GRM3: variants seen among roughly 807,000 people sequenced by gnomAD.
GRM3 encodes glutamate metabotropic receptor 3.
Under a neutral mutation model 70.5 loss-of-function variants are expected in GRM3, and 26 were observed. That is an observed-to-expected ratio of 0.37 (90% CI 0.27 to 0.51). The LOEUF is 0.51. Among genes scored for constraint, GRM3 ranks in the 20% least tolerant of loss-of-function variants. GRM3 has a pLI of 0.93. For missense variants in GRM3, 859 were observed against 1,123.8 expected, an observed-to-expected ratio of 0.76 and a Z score of 3.37; for synonymous variants, 443 against 434.9, an observed-to-expected ratio of 1.02 and a Z score of -0.23.
At chr7:86,695,561 C>A (rs557009610) in intron 1 of GRM3, among the ~76,000 whole-genome samples, 1 of 152,094 alleles carries the variant, frequency 6.6e-6, no homozygotes. Context: ...TGAGCTTTTG[C>A]GTCAGATACC....
chr7:86,821,624 C>G (rs1019900761), intron 3 of GRM3, among the ~76,000 whole-genome samples: 2 of 152,114 alleles, frequency 1.3e-5, no homozygotes, highest in African/African-American at 4.8e-5. Context: ...GAAAATGATG[C>G]GTGACAGCCC....
intron 1 of GRM3, among the ~76,000 whole-genome samples, chr7:86,744,130 C>A (rs1796049919): frequency 6.6e-6 from 1 of 152,040 alleles, no homozygotes. Context: ...GCATCCCACA[C>A]CCAGGTCTGG....
intron 1 of GRM3, among the ~76,000 whole-genome samples, chr7:86,746,944 T>G (rs1264161836): frequency 6.6e-6 from 1 of 152,098 alleles, no homozygotes; most frequent in East Asian, 1.9e-4. Flanking sequence ...CACCTTTCAG[T>G]ATGGACAACA....
chr7:86,712,131 G>T (rs557976615), intron 1 of GRM3, among the ~76,000 whole-genome samples: 1 of 152,056 alleles, frequency 6.6e-6, no homozygotes, highest in African/African-American at 2.4e-5. Flanking sequence ...CTCAAATTCT[G>T]CTTACTTTAC....
intron 3 of GRM3, among the ~76,000 whole-genome samples, chr7:86,828,830 A>G (rs944798257): frequency 6.6e-6 from 1 of 152,216 alleles, no homozygotes; most frequent in African/African-American, 2.4e-5. Flanking sequence ...ATGCTGTTTG[A>G]CAGCATTTTA....
chr7:86,651,898 A>C (rs564667149), intron 1 of GRM3, among the ~76,000 whole-genome samples: 2 of 152,376 alleles, frequency 1.3e-5, no homozygotes, highest in African/African-American at 4.8e-5. Context: ...TCCAAATTTT[A>C]AACTGAAGTA....
intron 3 of GRM3, among the ~76,000 whole-genome samples, chr7:86,799,219 G>T (rs1050783820): frequency 6.6e-5 from 10 of 152,170 alleles, no homozygotes; most frequent in Non-Finnish European, 2.9e-5. Context: ...CTGAGACTTT[G>T]CCAAAGTTGC....
intron 1 of GRM3, among the ~76,000 whole-genome samples, chr7:86,734,264 T>C (rs1157368035): frequency 2.0e-5 from 3 of 152,194 alleles, no homozygotes; most frequent in Admixed American, 1.3e-4. Flanking sequence ...ACAGTGTATA[T>C]TGTTCTAAGC....
chr7:86,760,941 A>G (rs1164743309), intron 1 of GRM3, among the ~76,000 whole-genome samples: 1 of 152,136 alleles, frequency 6.6e-6, no homozygotes, highest in African/African-American at 2.4e-5. Context: ...AATTTATATA[A>G]CACATGTAGT....
intron 3 of GRM3, among the ~76,000 whole-genome samples, chr7:86,790,981 G>A (rs1027989158): frequency 4.0e-5 from 6 of 151,534 alleles, no homozygotes; most frequent in Non-Finnish European, 8.8e-5. Context: ...TTCATATTTA[G>A]TCTTTATTGT....
intron 1 of GRM3, among the ~76,000 whole-genome samples, chr7:86,687,133 T>C (rs1429464460): frequency 7.9e-5 from 12 of 151,904 alleles, no homozygotes; most frequent in Admixed American, 7.9e-4. Flanking sequence ...AGCTCTGATA[T>C]ACATGTAATC....
In GRM3 at chr7:86,854,690, G is replaced by A. The variant is rs187764212; in HGVS notation, c.2566+4146G>A. Among the ~76,000 whole-genome samples the A allele has an allele frequency of 4.6e-5, 7 of 152,234 alleles. No individual in the cohort carries two copies. The East Asian group carries it at 1.3e-3, about 29-fold the overall frequency. ...GTCTGGAGCAAAGGCCAGAAATCTG[G>A]TTTGTAACAGACACCCCAGCTGTTT... On this transcript the variant is annotated intron_variant, in intron 5 of 5. Transcript: ENST00000361669.
In GRM3 at chr7:86,787,021, C is replaced by T; in HGVS notation, c.1229C>T (p.Thr410Ile). The change falls in exon 3 of 6, where the codon ACC becomes ATC. Residue 410 changes from threonine (T) to isoleucine (I), a missense_variant. Thr to Ile is a moderately conservative substitution (Grantham distance 89, BLOSUM62 -1). Transcript: ENST00000361669. The stretch of plus-strand genomic sequence containing the variant: ...CACGCTTTGCACAAAATGCAGCGCA[C>T]CCTCTGTCCCAACACTACCAAGCTT... ...MAHALHKMQR[T>I]LCPNTTKLCD... The T allele has an allele frequency of 1.2e-6, 2 of 1,613,490 alleles. No homozygotes were observed. Among genetic ancestry groups the T allele is most frequent in the Non-Finnish European group, 1.7e-6 (2 of 1,179,558 alleles).
chr7:86,676,503 A>G (rs1290724815), intron 1 of GRM3, among the ~76,000 whole-genome samples: 2 of 152,018 alleles, frequency 1.3e-5, no homozygotes, highest in African/African-American at 4.8e-5. Context: ...TAATAGACAT[A>G]ATAAATTGTG....
intron 1 of GRM3, among the ~76,000 whole-genome samples, chr7:86,762,714 T>C (rs1052493963): frequency 2.6e-5 from 4 of 152,152 alleles, no homozygotes; most frequent in African/African-American, 9.7e-5. Context: ...TAAGACAGAA[T>C]ACTTGATCTT....
intron 3 of GRM3, among the ~76,000 whole-genome samples, chr7:86,796,369 T>C (rs971568616): frequency 6.6e-6 from 1 of 152,176 alleles, no homozygotes; most frequent in Non-Finnish European, 1.5e-5. Flanking sequence ...GATCAGATGA[T>C]TGTTGATGTG....
At chr7:86,780,405 T>G (rs1314547434) in intron 2 of GRM3, among the ~76,000 whole-genome samples, 2 of 152,216 alleles carry the variant, frequency 1.3e-5, no homozygotes. Context: ...TCTGGCCAAG[T>G]CCAGCATTTC....
intron 1 of GRM3, among the ~76,000 whole-genome samples, chr7:86,694,173 A>G (rs1272284419): frequency 3.3e-5 from 5 of 152,164 alleles, no homozygotes. Context: ...AATGGGAAAT[A>G]TCTCTAACAA....
intron 2 of GRM3, among the ~76,000 whole-genome samples, chr7:86,780,273 T>C (rs188751694): frequency 1.3e-5 from 2 of 152,330 alleles, no homozygotes; most frequent in Admixed American, 1.3e-4. Flanking sequence ...GTATTTCTAG[T>C]TCTAGATCCC....
Sources: allele counts gnomAD v4.1 joint callset (sites outside exome capture counted in the v4.1 genomes callset), GRCh38; gene constraint gnomAD v4.1.1; transcripts MANE v1.5; gene names NCBI Gene and HGNC (gene_info 2026-07-23, HGNC 2026-07-21).